ANKFY1: variants seen among roughly 807,000 people sequenced by gnomAD.
ANKFY1 encodes the protein ankyrin repeat and FYVE domain containing 1, also known as ankyrin repeat and FYVE domain-containing protein 1.
A neutral mutation model predicts 128.3 loss-of-function variants in ANKFY1; 47 were observed. The observed-to-expected ratio is 0.37, with a 90% CI of 0.29 to 0.47. The LOEUF (loss-of-function observed/expected upper bound fraction) is 0.47. Ranked by LOEUF, ANKFY1 falls within the 20% of genes least tolerant of loss-of-function variation. The pLI, the probability that ANKFY1 is intolerant of heterozygous loss-of-function variation, is 1.00. For synonymous variants in ANKFY1, 553 were observed against 601.6 expected (o/e 0.92, Z 1.18); for missense variants, 1,222 against 1,510.6 (o/e 0.81, Z 3.17).
At chr17:4,231,865 A>C (rs1308602601) in intron 3 of ANKFY1, among the ~76,000 whole-genome samples, 1 of 151,374 alleles carries the variant, frequency 6.6e-6, no homozygotes, top group African/African-American at 2.4e-5. Flanking sequence ...TGAGGCCAGG[A>C]GGTCAAGGCT....
At chr17:4,173,815 C>T in intron 20 of ANKFY1, 94 bp downstream of exon 20, 1 of 1,475,842 alleles carries the variant, frequency 6.8e-7, no homozygotes, top group South Asian at 1.3e-5. Flanking sequence ...TAAAAGCCAA[C>T]CTCCCCAGTG....
At chr17:4,200,539 A>G (rs2059909472) in intron 7 of ANKFY1, among the ~76,000 whole-genome samples, 1 of 152,158 alleles carries the variant, frequency 6.6e-6, no homozygotes, top group Non-Finnish European at 1.5e-5. Flanking sequence ...TACAGGATGA[A>G]TTTCTTGCAA....
Position 4,167,956 on chromosome 17 carries a change from G to A in ANKFY1, c.3378-45C>T. 1 of 1,588,738 alleles carries A rather than the reference G, an allele frequency of 6.3e-7. No homozygotes were observed. The highest frequency in any genetic ancestry group is 8.6e-7 in the Non-Finnish European group (1 of 1,164,454). ...AAGTATGAGAGGAGCGCCAACGACA[G>A]ACTCTGCTTCCTGGCACGTGAGGAC... is the stretch of plus-strand genomic sequence containing the variant. On this transcript the variant is annotated intron_variant, in intron 24 of 24. Transcript: ENST00000341657. This position sits in a 1 kb window ranked among gnomAD's most constrained non-coding sequence, Gnocchi z 4.1.
chr17:4,182,951 C>A (rs1374655835), intron 14 of ANKFY1, among the ~76,000 whole-genome samples: 1 of 151,966 alleles, frequency 6.6e-6, no homozygotes, highest in African/African-American at 2.4e-5. Flanking sequence ...ACTAAAAGTA[C>A]AAAAATGAGC....
rs552465823 is a variant in ANKFY1, at chr17:4,184,864, G to A, written c.1653C>T (p.Ile551=). ...ACACCACATCCGGATGGTTATAGGC[G>A]ATCGCCATGTGCAGTGGCGTCTGCA... ...VHLQTPLHMA[I]AYNHPDVVSV... Residue 551 remains isoleucine, a synonymous_variant, in exon 12 of 25, where the codon ATC becomes ATT. Coordinates refer to ENST00000341657, the MANE Select transcript of ANKFY1 (RefSeq NM_001330063.2). 1.1e-5 allele frequency: 17 copies of A among 1,613,880 alleles called. No homozygotes were observed. The African/African-American group carries it at 1.2e-4, about 11-fold the overall frequency.
At chr17:4,174,552 A>T (rs2059379888) in intron 19 of ANKFY1, among the ~76,000 whole-genome samples, 1 of 152,202 alleles carries the variant, frequency 6.6e-6, no homozygotes, top group Non-Finnish European at 1.5e-5. Context: ...TCTGGGGAAG[A>T]CAGAGCTCTG....
intron 2 of ANKFY1, 67 bp downstream of exon 2, chr17:4,242,189 T>C: frequency 7.3e-7 from 1 of 1,369,582 alleles, no homozygotes; most frequent in South Asian, 1.7e-5. Flanking sequence ...AGAAAGTGAA[T>C]GAGAAAAGCT....
intron 7 of ANKFY1, among the ~76,000 whole-genome samples, chr17:4,200,717 T>G (rs2059912492): frequency 6.6e-6 from 1 of 152,230 alleles, no homozygotes; most frequent in Non-Finnish European, 1.5e-5. Context: ...TATGGATCTT[T>G]CCATAGGATG....
chr17:4,257,787 A>G (rs1968201313), intron 1 of ANKFY1, among the ~76,000 whole-genome samples: 1 of 152,192 alleles, frequency 6.6e-6, no homozygotes, highest in Non-Finnish European at 1.5e-5. Context: ...TTAACTATCA[A>G]TTACTTCTCC....
At chr17:4,198,936 T>G (rs1021777174) in intron 7 of ANKFY1, among the ~76,000 whole-genome samples, 1 of 151,792 alleles carries the variant, frequency 6.6e-6, no homozygotes, top group Admixed American at 6.6e-5. Flanking sequence ...AAGGCCGAGG[T>G]GGGAGGATCA....
chr17:4,222,896 A>G (rs2060351274), intron 3 of ANKFY1: 8 of 1,040,532 alleles, frequency 7.7e-6, no homozygotes, highest in Non-Finnish European at 1.2e-5. Context: ...CCAACAATCC[A>G]ACTCCTATCA....
intron 7 of ANKFY1, among the ~76,000 whole-genome samples, chr17:4,204,215 C>T (rs1385630278): frequency 3.9e-5 from 6 of 152,220 alleles, no homozygotes; most frequent in South Asian, 2.1e-4. Context: ...GCATTTCCAA[C>T]GCAGGGGCAA....
Position 4,195,443 on chromosome 17 carries a change from C to T in ANKFY1, c.1132G>A (p.Gly378Arg), listed in dbSNP as rs780966536. 1.7e-5 allele frequency: 28 copies of T among 1,613,946 alleles called. No homozygotes were observed. The highest frequency in any genetic ancestry group is 1.1e-4 in the East Asian group (5 of 44,898). The change falls in exon 9 of 25, where the codon GGG becomes AGG. Residue 378 changes from glycine to arginine, a missense_variant. Physicochemically the swap from Gly to Arg is moderately radical, Grantham distance 125. Coordinates refer to ENST00000341657, the MANE Select transcript of ANKFY1 (RefSeq NM_001330063.2). ...RTPLHVSIMA[G>R]NEYVFSQLLQ... ...AGCTGACTGAACACATATTCATTCCCGGCCATGATGGACACATGTAAAGGA... is the reference window on the plus strand; with the variant it reads ...AGCTGACTGAACACATATTCATTCCTGGCCATGATGGACACATGTAAAGGA...
chr17:4,171,670 T>A (rs1395869768), intron 22 of ANKFY1, among the ~76,000 whole-genome samples: 1 of 152,178 alleles, frequency 6.6e-6, no homozygotes, highest in African/African-American at 2.4e-5. Flanking sequence ...CTGGGCAAGG[T>A]GCTGCTGAGT....
intron 4 of ANKFY1, among the ~76,000 whole-genome samples, chr17:4,214,242 C>T (rs1304553916): frequency 6.6e-6 from 1 of 152,172 alleles, no homozygotes; most frequent in African/African-American, 2.4e-5. Context: ...ATATGTTTCA[C>T]GAAAGCAGAT....
intron 7 of ANKFY1, among the ~76,000 whole-genome samples, chr17:4,205,102 T>C (rs1432253009): frequency 1.3e-5 from 2 of 152,160 alleles, no homozygotes; most frequent in Non-Finnish European, 2.9e-5. Flanking sequence ...CAGACAATAA[T>C]AGTATAACAA....
intron 11 of ANKFY1, among the ~76,000 whole-genome samples, chr17:4,185,788 A>G (rs2059600656): frequency 6.6e-6 from 1 of 152,176 alleles, no homozygotes; most frequent in Non-Finnish European, 1.5e-5. Flanking sequence ...CGACAGAACA[A>G]TAACAAGCTC....
chr17:4,233,368 A>T lies in ANKFY1; in HGVS notation c.322+2404T>A, dbSNP rs568216765. On this transcript the variant is annotated intron_variant, in intron 3 of 24. Transcript: ENST00000341657. ...ACATGGTTTCAAAACACTATGCTTT[A>T]AAAAAAAAAAAAGCTATCCCTCGAG... Among the ~76,000 whole-genome samples, 55 of 143,062 alleles carry T rather than the reference A, an allele frequency of 3.8e-4. 1 individual carries two copies. In the Middle Eastern group the frequency reaches 0.014, roughly 38 times the overall value. 93.9% of individuals were successfully genotyped at this position (143,062 alleles called of 152,430 possible). A position where few individuals can be genotyped will look rare whatever the true frequency, so the allele number is the denominator to read the frequency against.
intron 4 of ANKFY1, among the ~76,000 whole-genome samples, chr17:4,210,365 A>C (rs1229782583): frequency 1.3e-5 from 2 of 152,206 alleles, no homozygotes; most frequent in African/African-American, 2.4e-5. Flanking sequence ...AGTGTGTCTT[A>C]GAAATAGTTT....
Sources: gnomAD v4.1 joint callset for allele counts (sites outside exome capture counted in the v4.1 genomes callset) on GRCh38, gnomAD v4.1.1 for gene constraint, Gnocchi (gnomAD v3.1) non-coding constraint, MANE v1.5 for transcripts, NCBI Gene and HGNC (gene_info 2026-07-23, HGNC 2026-07-21) for gene names.